USP44: variants seen among roughly 807,000 people sequenced by gnomAD.
USP44 encodes the protein ubiquitin carboxyl-terminal hydrolase 44.
Under a neutral mutation model 69.0 loss-of-function variants are expected in USP44, and 61 were observed. That is an observed-to-expected ratio of 0.88 (90% CI 0.72 to 1.09). The LOEUF (loss-of-function observed/expected upper bound fraction) is 1.09. Among genes scored for constraint, USP44 ranks in the 50% least tolerant of loss-of-function variants. USP44 has a pLI of 0.00. For missense variants in USP44, 753 were observed against 849.9 expected, an observed-to-expected ratio of 0.89 and a Z score of 1.42; for synonymous variants, 297 against 295.4, an observed-to-expected ratio of 1.01 and a Z score of -0.06.
chr12:95,531,381 A>G (rs955469208), intron 2 of USP44, among the ~76,000 whole-genome samples: 1 of 152,170 alleles, frequency 6.6e-6, no homozygotes, highest in Non-Finnish European at 1.5e-5. Flanking sequence ...TGCAGGAGAA[A>G]AAAAGACTAG....
intron 2 of USP44, among the ~76,000 whole-genome samples, chr12:95,529,449 A>G (rs1182199351): frequency 2.7e-5 from 4 of 149,788 alleles, no homozygotes; most frequent in East Asian, 2.0e-4. Context: ...TTTGAGATGG[A>G]GTCTCGCTCT....
At position 95,517,952 on chromosome 12, in the gene USP44, T is replaced by C. The variant is rs1270131911; in HGVS notation, c.*202A>G. 2.1e-6 allele frequency: 1 copy of C among 482,386 alleles called. No homozygotes were observed. Among genetic ancestry groups the C allele is most frequent in the African/African-American group, 1.9e-5 (1 of 51,418 alleles). The allele number at this position is 482,386 out of a possible 1,614,324, so 29.9% of individuals were successfully genotyped here. The stretch of plus-strand genomic sequence containing the variant: ...ATCAGTCTGAGGTAAACACCAAAAG[T>C]TTAAAACTCCAAATATGAAAAAAGT... On this transcript the variant is annotated 3_prime_UTR_variant, in exon 6 of 6. Transcript: ENST00000258499.
intron 1 of USP44, among the ~76,000 whole-genome samples, chr12:95,539,163 G>C (rs965107880): frequency 6.6e-6 from 1 of 151,546 alleles, no homozygotes; most frequent in African/African-American, 2.4e-5. Flanking sequence ...ATTCAAATCA[G>C]TAGCTATCAA....
chr12:95,519,437 T>C (rs991341396), intron 5 of USP44, among the ~76,000 whole-genome samples: 1 of 131,052 alleles, frequency 7.6e-6, no homozygotes, highest in Non-Finnish European at 1.6e-5. Context: ...TCTGTATTTT[T>C]TTTTTTTTTT....
rs1487243948 is a variant in USP44 at position 95,548,035 on chromosome 12, A to G, written c.-71+3237T>C. On this transcript the variant is annotated intron_variant, in intron 1 of 5. Coordinates refer to ENST00000258499, the MANE Select transcript of USP44 (RefSeq NM_032147.5). This position sits in a 1 kb window ranked among gnomAD's most constrained non-coding sequence, Gnocchi z 4.1. ...GGTTCCCCTCCGCGCACACTGACAT[A>G]TTTCTTATCCCCCATAATGAATTCA... 1.3e-5 allele frequency: 2 copies of G among 151,996 alleles called. No individual in the cohort carries two copies. Among genetic ancestry groups the G allele is most frequent in the African/African-American group, 4.8e-5 (2 of 41,376 alleles). The allele number at this position is 151,996 out of a possible 1,614,324, so 9.4% of individuals were successfully genotyped here.
intron 1 of USP44, among the ~76,000 whole-genome samples, chr12:95,542,657 G>A (rs182105692): frequency 7.9e-5 from 12 of 152,106 alleles, no homozygotes; most frequent in African/African-American, 2.7e-4. Context: ...AGCTACTCGG[G>A]AGGCTGAGGC....
At chr12:95,525,686 C>G (rs2076812716) in intron 3 of USP44, among the ~76,000 whole-genome samples, 1 of 152,190 alleles carries the variant, frequency 6.6e-6, no homozygotes, top group South Asian at 2.1e-4. Context: ...TGCTTTTGCT[C>G]TTTTAGCACT....
In USP44 at chr12:95,532,688, T is replaced by C. The variant is rs527895805; in HGVS notation, c.1428+141A>G. 2.2e-4 allele frequency: 148 copies of C among 667,076 alleles called. No individual in the cohort carries two copies. In the African/African-American group the frequency reaches 2.4e-3, roughly 11 times the overall value. 41.3% of individuals were successfully genotyped at this position (667,076 alleles called of 1,614,324 possible). On this transcript the variant is annotated intron_variant, in intron 2 of 5. Transcript: ENST00000258499. ...AAGGAATTGAGTGAGCTGATTTCTCTATACATATTTATAAAAACAATCTAT... is the reference window on the plus strand; with the variant it reads ...AAGGAATTGAGTGAGCTGATTTCTCCATACATATTTATAAAAACAATCTAT...
intron 3 of USP44, among the ~76,000 whole-genome samples, chr12:95,526,998 C>A (rs996701453): frequency 1.3e-5 from 2 of 151,822 alleles, no homozygotes; most frequent in African/African-American, 4.8e-5. Flanking sequence ...TTTTGGTGCA[C>A]CCAACACCTG....
At chr12:95,539,592 T>G (rs1269560025) in intron 1 of USP44, among the ~76,000 whole-genome samples, 1 of 152,238 alleles carries the variant, frequency 6.6e-6, no homozygotes, top group Non-Finnish European at 1.5e-5. Context: ...TATTTACAAA[T>G]ATTCTAAAAG....
chr12:95,541,105 C>T (rs1171465338), intron 1 of USP44, among the ~76,000 whole-genome samples: 1 of 152,062 alleles, frequency 6.6e-6, no homozygotes, highest in African/African-American at 2.4e-5. Context: ...TGGTGAAACC[C>T]CGTCTCTACT....
At chr12:95,542,627 TG>T (rs2077425798) in intron 1 of USP44, among the ~76,000 whole-genome samples, 1 of 151,956 alleles carries the variant, frequency 6.6e-6, no homozygotes, top group Non-Finnish European at 1.5e-5. Flanking sequence ...CCGGTTGTGG[TG>T]GTGGGCACCC....
Position 95,528,890 on chromosome 12 carries a change from G to A in USP44, c.1541C>T (p.Pro514Leu). The change falls in exon 3 of 6, where the codon CCA (proline) becomes CTA (leucine). Residue 514 changes from proline (P) to leucine (L), a missense_variant. By Grantham distance (98) the Pro-to-Leu change is moderately conservative. Coordinates refer to ENST00000258499, the MANE Select transcript of USP44 (RefSeq NM_032147.5). ...GGCCAACATTTCAGTAACCAGACAT[G>A]GCTGGGAAGCAATATCTTTTCCACT... ...QCSGKDIASQ[P>L]CLVTEMLAKF... The A allele has an allele frequency of 6.2e-7, 1 of 1,613,978 alleles. No homozygotes were observed. Among genetic ancestry groups the A allele is most frequent in the Non-Finnish European group, 8.5e-7 (1 of 1,179,976 alleles).
intron 1 of USP44, among the ~76,000 whole-genome samples, chr12:95,536,039 C>CTTTTTTTTTTT (rs397821709): frequency 1.4e-4 from 14 of 97,524 alleles, no homozygotes; most frequent in Non-Finnish European, 2.6e-4. Flanking sequence ...CTTTTTTTTC[C>CTTTTTTTTTTT]TTTTTTTTTT....
intron 1 of USP44, among the ~76,000 whole-genome samples, chr12:95,539,287 G>A (rs1398257155): frequency 1.3e-5 from 2 of 150,150 alleles, no homozygotes; most frequent in Non-Finnish European, 3.0e-5. Context: ...GTGCAGTGGC[G>A]CGATCTAGGC....
intron 1 of USP44, among the ~76,000 whole-genome samples, chr12:95,538,030 G>T (rs1369746327): frequency 6.6e-6 from 1 of 152,168 alleles, no homozygotes; most frequent in Non-Finnish European, 1.5e-5. Flanking sequence ...CCTTCAAAGG[G>T]AAGTGGCATC....
intron 4 of USP44, chr12:95,521,952 G>T (rs953016915): frequency 2.6e-6 from 2 of 755,164 alleles, no homozygotes; most frequent in Non-Finnish European, 3.2e-6. Flanking sequence ...AAAACAACAG[G>T]AACTGTGTCC....
At chr12:95,535,262 G>C (rs1284107802) in intron 1 of USP44, 1 of 152,056 alleles carries the variant, frequency 6.6e-6, no homozygotes, top group Non-Finnish European at 1.5e-5. Context: ...TCTGACACAT[G>C]GTAAATGGTA....
intron 1 of USP44, chr12:95,546,894 A>G (rs1289532163): frequency 6.6e-6 from 1 of 152,212 alleles, no homozygotes; most frequent in Non-Finnish European, 1.5e-5. Flanking sequence ...AAATTCTCTT[A>G]GGCACCAAAA....
Sources: allele counts gnomAD v4.1 joint callset (sites outside exome capture counted in the v4.1 genomes callset), GRCh38; gene constraint gnomAD v4.1.1; non-coding constraint Gnocchi (gnomAD v3.1); transcripts MANE v1.5; gene names NCBI Gene and HGNC (gene_info 2026-07-23, HGNC 2026-07-21).